ADAMTSL1: variants seen among roughly 807,000 people sequenced by gnomAD.
The protein encoded by ADAMTSL1 is ADAMTS-like protein 1.
ADAMTSL1 carries 126 observed loss-of-function variants against 201.8 expected under a neutral mutation model. The observed-to-expected ratio is 0.62, with a 90% CI of 0.54 to 0.72. The LOEUF (loss-of-function observed/expected upper bound fraction) is 0.72. Among genes scored for constraint, ADAMTSL1 ranks in the 30% least tolerant of loss-of-function variants. The pLI, the probability that ADAMTSL1 is intolerant of heterozygous loss-of-function variation, is 0.00. For synonymous variants in ADAMTSL1, 1,121 were observed against 903.4 expected (o/e 1.24, Z -4.32); for missense variants, 2,679 against 2,277.8 (o/e 1.18, Z -3.59).
chr9:18,811,706 A>G (rs189491048), intron 20 of ADAMTSL1, among the ~76,000 whole-genome samples: 1 of 152,302 alleles, frequency 6.6e-6, no homozygotes, highest in Non-Finnish European at 1.5e-5. Flanking sequence ...CATCATGAAA[A>G]AACCCACCTT....
intron 1 of ADAMTSL1, among the ~76,000 whole-genome samples, chr9:18,134,644 C>G (rs766658641): frequency 6.6e-6 from 1 of 152,156 alleles, no homozygotes; most frequent in Non-Finnish European, 1.5e-5. Flanking sequence ...GTAATGTACT[C>G]AAAACTTGCC....
chr9:18,833,464 G>A (rs1481111423), intron 23 of ADAMTSL1, among the ~76,000 whole-genome samples: 2 of 152,130 alleles, frequency 1.3e-5, no homozygotes, highest in Admixed American at 1.3e-4. Flanking sequence ...CAGTGACGTT[G>A]AGTTTTTTTC....
At chr9:18,212,771 C>G (rs1296577310) in intron 2 of ADAMTSL1, among the ~76,000 whole-genome samples, 2 of 152,006 alleles carry the variant, frequency 1.3e-5, no homozygotes, top group Admixed American at 1.3e-4. Context: ...TCTAGGGTGC[C>G]TTTTGCCTTT....
rs185493277 is a variant in ADAMTSL1 at position 17,965,087 on chromosome 9, A to G, written c.87+58165A>G. ...TTCTATTTAGTATTTTTACAATAAC[A>G]ATAACATATAATGGACAACCTGGAA... On this transcript the variant is annotated intron_variant, in intron 1 of 29. Transcript: ENST00000680146. Among the ~76,000 whole-genome samples the G allele has an allele frequency of 2.0e-3, 304 of 152,220 alleles. 1 individual carries two copies. Among genetic ancestry groups the G allele is most frequent in the African/African-American group, 6.9e-3 (288 of 41,566 alleles).
chr9:18,669,586 A>T (rs1454831779), intron 9 of ADAMTSL1, among the ~76,000 whole-genome samples: 1 of 152,206 alleles, frequency 6.6e-6, no homozygotes, highest in Non-Finnish European at 1.5e-5. Flanking sequence ...TTTCCGATTT[A>T]TGGGATCCCA....
At chr9:18,251,843 AGGAT>A (rs1831476037) in intron 2 of ADAMTSL1, among the ~76,000 whole-genome samples, 1 of 152,210 alleles carries the variant, frequency 6.6e-6, no homozygotes, top group Admixed American at 6.5e-5. Flanking sequence ...AAAATTGACA[AGGAT>A]GGCATTTCAA....
At chr9:18,771,083 G>T (rs1820664514) in intron 17 of ADAMTSL1, among the ~76,000 whole-genome samples, 1 of 151,948 alleles carries the variant, frequency 6.6e-6, no homozygotes, top group Non-Finnish European at 1.5e-5. Flanking sequence ...CCACACACTG[G>T]GTTCTTCTCC....
At chr9:18,734,118 A>C (rs1390673303) in intron 15 of ADAMTSL1, among the ~76,000 whole-genome samples, 1 of 152,184 alleles carries the variant, frequency 6.6e-6, no homozygotes, top group Non-Finnish European at 1.5e-5. Flanking sequence ...TCAGGGCTTC[A>C]GTTTCTTCCT....
At chr9:18,434,010 TAAC>T (rs1439189692) in intron 2 of ADAMTSL1, among the ~76,000 whole-genome samples, 1 of 152,218 alleles carries the variant, frequency 6.6e-6, no homozygotes, top group Admixed American at 6.5e-5. Flanking sequence ...TAGGTTATCA[TAAC>T]AAATCATCTA....
At chr9:18,897,898 C>G (rs1829751159) in intron 26 of ADAMTSL1, among the ~76,000 whole-genome samples, 1 of 151,996 alleles carries the variant, frequency 6.6e-6, no homozygotes, top group Non-Finnish European at 1.5e-5. Flanking sequence ...GGATAGTAGG[C>G]TGGGTGTGGT....
chr9:18,690,838 C>T (rs921968273), intron 13 of ADAMTSL1, among the ~76,000 whole-genome samples: 1 of 152,164 alleles, frequency 6.6e-6, no homozygotes, highest in African/African-American at 2.4e-5. Flanking sequence ...ATTTCTTGGG[C>T]TAATTCCATA....
At chr9:18,317,760 G>T (rs1834462118) in intron 2 of ADAMTSL1, among the ~76,000 whole-genome samples, 1 of 152,160 alleles carries the variant, frequency 6.6e-6, no homozygotes, top group Non-Finnish European at 1.5e-5. Flanking sequence ...CTTCTCCTCT[G>T]CAGAAGCAAT....
intron 1 of ADAMTSL1, among the ~76,000 whole-genome samples, chr9:17,922,857 T>G (rs1295353988): frequency 6.6e-6 from 1 of 152,176 alleles, no homozygotes; most frequent in African/African-American, 2.4e-5. Flanking sequence ...GGTTTTCAGA[T>G]GTTTAGGAAT....
intron 2 of ADAMTSL1, among the ~76,000 whole-genome samples, chr9:18,251,718 G>C (rs1052234844): frequency 6.6e-6 from 1 of 152,140 alleles, no homozygotes; most frequent in Non-Finnish European, 1.5e-5. Context: ...GTTATCAGTT[G>C]TTTCTATAAC....
intron 2 of ADAMTSL1, among the ~76,000 whole-genome samples, chr9:18,462,390 T>G (rs1397545556): frequency 3.3e-5 from 5 of 152,182 alleles, no homozygotes; most frequent in Non-Finnish European, 7.3e-5. Context: ...TGGGGTACAG[T>G]GGTTAACAAA....
intron 3 of ADAMTSL1, among the ~76,000 whole-genome samples, chr9:18,553,656 G>T (rs1820930971): frequency 6.6e-6 from 1 of 151,944 alleles, no homozygotes; most frequent in South Asian, 2.1e-4. Flanking sequence ...TGAAATATTT[G>T]TATTTGGTGC....
At chr9:18,710,453 T>A (rs1254046317) in intron 14 of ADAMTSL1, among the ~76,000 whole-genome samples, 2 of 152,188 alleles carry the variant, frequency 1.3e-5, no homozygotes, top group African/African-American at 4.8e-5. Flanking sequence ...TGTTTTAGAA[T>A]ACTTCAGATT....
chr9:17,959,858 T>G (rs1817662526), intron 1 of ADAMTSL1, among the ~76,000 whole-genome samples: 1 of 152,166 alleles, frequency 6.6e-6, no homozygotes, highest in Non-Finnish European at 1.5e-5. Context: ...AAGTATGATC[T>G]GATTTATCCA....
chr9:18,137,406 ATC>A (rs1399070207), intron 1 of ADAMTSL1, among the ~76,000 whole-genome samples: 2 of 152,144 alleles, frequency 1.3e-5, no homozygotes, highest in Non-Finnish European at 2.9e-5. Flanking sequence ...TTCAATATTC[ATC>A]TTTGGAAAAC....
Sources: gnomAD v4.1 joint callset for allele counts (sites outside exome capture counted in the v4.1 genomes callset) on GRCh38, gnomAD v4.1.1 for gene constraint, MANE v1.5 for transcripts, NCBI Gene and HGNC (gene_info 2026-07-23, HGNC 2026-07-21) for gene names.